Variants in EGF observed in about 807,000 individuals in gnomAD.
EGF encodes pro-epidermal growth factor.
EGF carries 95 observed loss-of-function variants against 143.8 expected under a neutral mutation model. The ratio of observed to expected loss-of-function variants is 0.66; its 90% CI spans 0.56 to 0.78. The LOEUF is 0.78. Among genes scored for constraint, EGF ranks in the 30% least tolerant of loss-of-function variants. EGF has a pLI of 0.00. For synonymous variants in EGF, 510 were observed against 510.5 expected (o/e 1.00, Z 0.01); for missense variants, 1,320 against 1,470.9 (o/e 0.90, Z 1.68).
chr4:109,985,616 G>A (rs1327326402), intron 16 of EGF, among the ~76,000 whole-genome samples: 6 of 152,112 alleles, frequency 3.9e-5, no homozygotes. Flanking sequence ...TGTGTCCTTC[G>A]CCCTCTGGCT....
chr4:109,959,481 T>C, intron 6 of EGF, 44 bp downstream of exon 6: 1 of 1,612,562 alleles, frequency 6.2e-7, no homozygotes, highest in East Asian at 2.2e-5. Flanking sequence ...GAGTCGCTGC[T>C]TGAGGGGAGG....
intron 18 of EGF, among the ~76,000 whole-genome samples, chr4:109,992,935 A>C (rs927131358): frequency 1.4e-4 from 12 of 84,004 alleles, no homozygotes; most frequent in South Asian, 5.1e-4. Context: ...CATCACACAC[A>C]GGGGCCTGTT....
intron 1 of EGF, among the ~76,000 whole-genome samples, chr4:109,917,518 T>C (rs893637069): frequency 6.6e-6 from 1 of 152,194 alleles, no homozygotes; most frequent in Non-Finnish European, 1.5e-5. Flanking sequence ...ATTTCAATTT[T>C]TACTTTACAT....
At chr4:110,010,637 G>A (rs536196764) in intron 23 of EGF, among the ~76,000 whole-genome samples, 1 of 152,046 alleles carries the variant, frequency 6.6e-6, no homozygotes, top group Non-Finnish European at 1.5e-5. Context: ...TTTATGTAGA[G>A]ATGGAGACTC....
intron 23 of EGF, among the ~76,000 whole-genome samples, chr4:110,010,173 C>T (rs1304824161): frequency 6.6e-6 from 1 of 151,988 alleles, no homozygotes; most frequent in African/African-American, 2.4e-5. Flanking sequence ...GTAGGAGGAT[C>T]CCTTGAGCCT....
chr4:109,965,570 G>T (rs1227618969), intron 10 of EGF, among the ~76,000 whole-genome samples: 3 of 152,090 alleles, frequency 2.0e-5, no homozygotes, highest in African/African-American at 4.8e-5. Context: ...TTTTATTCCT[G>T]CAGAATCAGT....
chr4:109,951,905 G>T (rs907583414), intron 5 of EGF, among the ~76,000 whole-genome samples: 2 of 152,072 alleles, frequency 1.3e-5, no homozygotes, highest in African/African-American at 2.4e-5. Flanking sequence ...GCTTCAGTTT[G>T]CACAGATCAT....
chr4:109,995,479 C>T (rs139480040), intron 20 of EGF, among the ~76,000 whole-genome samples: 2 of 152,246 alleles, frequency 1.3e-5, no homozygotes, highest in Admixed American at 1.3e-4. Context: ...CAGTGGGTAA[C>T]GTGTCAACCT....
At chr4:109,960,613 C>T (rs916704795) in intron 6 of EGF, among the ~76,000 whole-genome samples, 1 of 151,984 alleles carries the variant, frequency 6.6e-6, no homozygotes, top group African/African-American at 2.4e-5. Context: ...GCATTGCACT[C>T]CAGCCTGGGT....
intron 3 of EGF, 85 bp downstream of exon 3, chr4:109,943,520 G>C: frequency 6.8e-7 from 1 of 1,473,476 alleles, no homozygotes; most frequent in South Asian, 1.2e-5. Context: ...AATTCAAAGG[G>C]ATCCTCTCAC....
chr4:109,969,471 G>T (rs1349412972), intron 11 of EGF, among the ~76,000 whole-genome samples: 1 of 152,134 alleles, frequency 6.6e-6, no homozygotes, highest in African/African-American at 2.4e-5. Flanking sequence ...GTGGCAAGGG[G>T]AGGGATAGCT....
chr4:109,964,608 T>C, intron 10 of EGF, 71 bp downstream of exon 10: 1 of 1,598,778 alleles, frequency 6.3e-7, no homozygotes. Context: ...TCCTAACAAA[T>C]GACCTGGCCT....
chr4:110,005,218 G>A (rs919136832), intron 22 of EGF, among the ~76,000 whole-genome samples: 2 of 151,214 alleles, frequency 1.3e-5, no homozygotes, highest in East Asian at 3.9e-4. Context: ...GCTAATTTTT[G>A]TATTTTTTGT....
chr4:109,934,481 A>T (rs1740398836), intron 1 of EGF, among the ~76,000 whole-genome samples: 1 of 152,076 alleles, frequency 6.6e-6, no homozygotes, highest in Non-Finnish European at 1.5e-5. Context: ...AGATGGGTAG[A>T]TTGCAAATAT....
chr4:109,954,971 A>G (rs976576508), intron 5 of EGF, among the ~76,000 whole-genome samples: 5 of 152,228 alleles, frequency 3.3e-5, no homozygotes, highest in Admixed American at 2.6e-4. Context: ...AATTTTTGTT[A>G]TGTGCTAAAT....
chr4:109,913,573 T>G, intron 1 of EGF, 111 bp downstream of exon 1: 3 of 1,487,744 alleles, frequency 2.0e-6, no homozygotes, highest in Non-Finnish European at 2.7e-6. Flanking sequence ...TTTGGGTATG[T>G]ATAGTTGCTT....
intron 1 of EGF, among the ~76,000 whole-genome samples, chr4:109,935,519 C>T (rs1326143723): frequency 1.3e-5 from 2 of 152,096 alleles, no homozygotes; most frequent in African/African-American, 2.4e-5. Context: ...TTTGACGTCC[C>T]TTTTTCCTAA....
intron 12 of EGF, among the ~76,000 whole-genome samples, 186 bp downstream of exon 12, chr4:109,974,993 G>T (rs1477222166): frequency 1.3e-5 from 2 of 152,106 alleles, no homozygotes; most frequent in African/African-American, 2.4e-5. Flanking sequence ...TTGTTAATAT[G>T]CTCTTTTAAA....
chr4:109,987,764 G>C lies in EGF; in HGVS notation c.2512G>C (p.Val838Leu). ...TGTAGATCAAGATGACTGTGCTCCTGTGGGATGCAGCATGTATGCTCGGTG... is the reference window on the plus strand; with the variant it reads ...TGTAGATCAAGATGACTGTGCTCCTCTGGGATGCAGCATGTATGCTCGGTG... ...MVSDQDDCAP[V>L]GCSMYARCIS... The change falls in exon 17 of 24, where the codon GTG (valine) becomes CTG (leucine). Residue 838 changes from valine to leucine, a missense_variant. Physicochemically the swap from Val to Leu is conservative, Grantham distance 32. Transcript: ENST00000265171. The C allele has an allele frequency of 6.2e-7, 1 of 1,613,886 alleles. No homozygotes were observed. The highest frequency in any genetic ancestry group is 8.5e-7 in the Non-Finnish European group (1 of 1,179,806).
Sources: gnomAD v4.1 joint callset for allele counts (sites outside exome capture counted in the v4.1 genomes callset) on GRCh38, gnomAD v4.1.1 for gene constraint, MANE v1.5 for transcripts, NCBI Gene and HGNC (gene_info 2026-07-23, HGNC 2026-07-21) for gene names.